TMED8: variants seen among roughly 807,000 people sequenced by gnomAD.
The protein encoded by TMED8 is transmembrane p24 trafficking protein family member 8.
Under a neutral mutation model 32.7 loss-of-function variants are expected in TMED8, and 15 were observed. That is an observed-to-expected ratio of 0.46 (90% CI 0.31 to 0.71). TMED8 has a LOEUF of 0.71. Ranked by LOEUF, TMED8 falls within the 30% of genes least tolerant of loss-of-function variation. The pLI, the probability that TMED8 is intolerant of heterozygous loss-of-function variation, is 0.06. For missense variants in TMED8, 390 were observed against 423.9 expected (o/e 0.92, Z 0.70); for synonymous variants, 147 against 161.4 (o/e 0.91, Z 0.68).
intron 2 of TMED8, among the ~76,000 whole-genome samples, chr14:77,351,107 A>G (rs975477853): frequency 6.6e-6 from 1 of 152,140 alleles, no homozygotes; most frequent in African/African-American, 2.4e-5. Flanking sequence ...TTTCCAATAG[A>G]CACATAAGCA....
At chr14:77,373,992 C>A (rs1399813820) in intron 1 of TMED8, among the ~76,000 whole-genome samples, 1 of 152,190 alleles carries the variant, frequency 6.6e-6, no homozygotes, top group African/African-American at 2.4e-5. Flanking sequence ...TCACCAGAAA[C>A]AGATACCAAC....
At chr14:77,364,825 C>T (rs1384840282) in intron 1 of TMED8, among the ~76,000 whole-genome samples, 2 of 152,158 alleles carry the variant, frequency 1.3e-5, no homozygotes, top group Non-Finnish European at 2.9e-5. Flanking sequence ...TTCACTTCTA[C>T]TAGGAGTGGA....
intron 5 of TMED8, among the ~76,000 whole-genome samples, chr14:77,342,625 T>C (rs1892932526): frequency 6.6e-6 from 1 of 152,198 alleles, no homozygotes; most frequent in Admixed American, 6.5e-5. Flanking sequence ...GAAAAATGCC[T>C]CTGGGCCATC....
intron 3 of TMED8, among the ~76,000 whole-genome samples, chr14:77,345,659 C>CAAAAA (rs11297608): frequency 8.7e-5 from 9 of 103,226 alleles, no homozygotes; most frequent in South Asian, 3.2e-4. Flanking sequence ...ACCTTTGTCT[C>CAAAAA]AAAAAAAAAA....
rs33964835 is a variant in TMED8, at chr14:77,349,106, CT to C, written c.197+2566del. 6.5e-3 allele frequency among the ~76,000 whole-genome samples: 602 copies of C among 91,938 alleles called. 3 individuals carry two copies. In the East Asian group the frequency reaches 0.067, roughly 10 times the overall value. 60.3% of individuals were successfully genotyped at this position (91,938 alleles called of 152,430 possible). A position where few individuals can be genotyped will look rare whatever the true frequency, so the allele number is the denominator to read the frequency against. ...GCCTGCCACCTGGAACTCTAAGGCC[CT>C]TTTTTTTTTTTTTTTTTTTTGGAGA... On this transcript the variant is annotated intron_variant, in intron 2 of 5. Transcript: ENST00000216468.
At chr14:77,370,926 G>T (rs1893663364) in intron 1 of TMED8, among the ~76,000 whole-genome samples, 2 of 151,988 alleles carry the variant, frequency 1.3e-5, no homozygotes, top group African/African-American at 4.8e-5. Context: ...TCCAGCCTGG[G>T]CAACAGTGCG....
At chr14:77,373,642 T>C (rs1414131592) in intron 1 of TMED8, among the ~76,000 whole-genome samples, 1 of 152,196 alleles carries the variant, frequency 6.6e-6, no homozygotes, top group African/African-American at 2.4e-5. Flanking sequence ...ATTCCTGCTT[T>C]GAAGGAATAA....
At chr14:77,364,776 T>A (rs1464762668) in intron 1 of TMED8, among the ~76,000 whole-genome samples, 1 of 152,200 alleles carries the variant, frequency 6.6e-6, no homozygotes, top group African/African-American at 2.4e-5. Context: ...GGTCTACACA[T>A]TAACACTTTT....
At chr14:77,357,160 C>T (rs779166731) in intron 1 of TMED8, among the ~76,000 whole-genome samples, 40 of 152,148 alleles carry the variant, frequency 2.6e-4, no homozygotes, top group Non-Finnish European at 4.9e-4. Context: ...CTGTGTTGAT[C>T]TAGAGGCTTG....
At chr14:77,363,395 G>C (rs537720116) in intron 1 of TMED8, among the ~76,000 whole-genome samples, 3 of 152,104 alleles carry the variant, frequency 2.0e-5, no homozygotes, top group Non-Finnish European at 4.4e-5. Context: ...AAAGAGAAAC[G>C]TATCTTGAGA....
Position 77,377,057 on chromosome 14 carries a change from C to T in TMED8, c.-4G>A. The T allele has an allele frequency of 7.4e-7, 1 of 1,359,776 alleles. No homozygotes were observed. Among genetic ancestry groups the T allele is most frequent in the Non-Finnish European group, 9.4e-7 (1 of 1,060,886 alleles). The allele number at this position is 1,359,776 out of a possible 1,614,324, so 84.2% of individuals were successfully genotyped here. ...CAGCCGCCTGCAGGTCAGACATCTG[C>T]AGCCCGCGCACGGAGCTCTCCGCTG... On this transcript the variant is annotated 5_prime_UTR_variant, in exon 1 of 6. Coordinates refer to ENST00000216468, the MANE Select transcript of TMED8 (RefSeq NM_213601.3).
chr14:77,374,791 C>T (rs1029158341), intron 1 of TMED8, among the ~76,000 whole-genome samples: 2 of 152,152 alleles, frequency 1.3e-5, no homozygotes, highest in South Asian at 2.1e-4. Flanking sequence ...TAATAAAAGA[C>T]GCCCAATTAT....
rs956975884 is a variant in TMED8 at position 77,339,119 on chromosome 14, G to C, written c.*2652C>G. 1 of 152,196 alleles carries C rather than the reference G, an allele frequency of 6.6e-6. No individual in the cohort carries two copies. The highest frequency in any genetic ancestry group is 1.5e-5 in the Non-Finnish European group (1 of 68,046). 9.4% of individuals were successfully genotyped at this position (152,196 alleles called of 1,614,324 possible). On this transcript the variant is annotated 3_prime_UTR_variant, in exon 6 of 6. Coordinates refer to ENST00000216468, the MANE Select transcript of TMED8 (RefSeq NM_213601.3). ...TCTCTTAGAATTTGCTGGGCTGTGG[G>C]TTCTCAGTAATTACCTGTGCTTCAG...
chr14:77,347,035 C>T (rs972056897), intron 2 of TMED8, among the ~76,000 whole-genome samples: 5 of 152,036 alleles, frequency 3.3e-5, no homozygotes, highest in Non-Finnish European at 5.9e-5. Flanking sequence ...CTTGTTCCTC[C>T]TTCTAACACC....
intron 1 of TMED8, among the ~76,000 whole-genome samples, chr14:77,358,581 GCCA>G (rs1185102896): frequency 5.9e-5 from 9 of 152,228 alleles, no homozygotes; most frequent in African/African-American, 2.2e-4. Context: ...ACAGGCGTGA[GCCA>G]CCACGCCTAG....
In TMED8 at chr14:77,341,688, C is replaced by T; in HGVS notation, c.*83G>A. 1.4e-6 allele frequency: 2 copies of T among 1,400,522 alleles called. No individual in the cohort carries two copies. The highest frequency in any genetic ancestry group is 2.0e-6 in the Non-Finnish European group (2 of 996,190). The allele number at this position is 1,400,522 out of a possible 1,614,324, so 86.8% of individuals were successfully genotyped here. A position where few individuals can be genotyped will look rare whatever the true frequency, so the allele number is the denominator to read the frequency against. On this transcript the variant is annotated 3_prime_UTR_variant, in exon 6 of 6. Coordinates refer to ENST00000216468, the MANE Select transcript of TMED8 (RefSeq NM_213601.3). ...TCAGCAGCCCCCCATGAACCTTTGGCTCTTGCCTATCCCAAACAAGAGGCA... is the reference window on the plus strand; with the variant it reads ...TCAGCAGCCCCCCATGAACCTTTGGTTCTTGCCTATCCCAAACAAGAGGCA...
chr14:77,364,537 A>AT lies in TMED8; in HGVS notation c.118+12398dup, dbSNP rs1051344165. ...TAGGATTACAGGCATGAGCCATGATATTTTTTTTAAGATGGAGTCTCACTG... is the reference window on the plus strand; with the variant it reads ...TAGGATTACAGGCATGAGCCATGATATTTTTTTTTAAGATGGAGTCTCACTG... On this transcript the variant is annotated intron_variant, in intron 1 of 5. Coordinates refer to ENST00000216468, the MANE Select transcript of TMED8 (RefSeq NM_213601.3). 4.7e-5 allele frequency among the ~76,000 whole-genome samples: 7 copies of AT among 150,168 alleles called. No homozygotes were observed. In the South Asian group the frequency reaches 6.4e-4, roughly 14 times the overall value.
At chr14:77,352,765 G>T (rs771439525) in intron 1 of TMED8, among the ~76,000 whole-genome samples, 3 of 151,992 alleles carry the variant, frequency 2.0e-5, no homozygotes, top group Non-Finnish European at 4.4e-5. Flanking sequence ...TAAAAAGAAA[G>T]AAATCATATT....
chr14:77,344,078 C>T (rs1892973998), intron 3 of TMED8, among the ~76,000 whole-genome samples: 1 of 152,170 alleles, frequency 6.6e-6, no homozygotes, highest in South Asian at 2.1e-4. Context: ...GCTCCAAACC[C>T]TTTATAAGGT....
Sources: allele counts gnomAD v4.1 joint callset (sites outside exome capture counted in the v4.1 genomes callset), GRCh38; gene constraint gnomAD v4.1.1; transcripts MANE v1.5; gene names NCBI Gene and HGNC (gene_info 2026-07-23, HGNC 2026-07-21).